The following CACNA1C variants were observed in gnomAD, a reference collection of about 807,000 sequenced individuals.
The protein encoded by CACNA1C is voltage-dependent L-type calcium channel subunit alpha-1C.
A neutral mutation model predicts 229.0 loss-of-function variants in CACNA1C; 30 were observed. The ratio of observed to expected loss-of-function variants is 0.13; its 90% CI spans 0.10 to 0.18. The LOEUF is 0.18. Ranked by LOEUF, CACNA1C falls within the 10% of genes least tolerant of loss-of-function variation. The probability of loss-of-function intolerance (pLI) is 1.00; values close to 1 mark genes in which losing one functional copy is unlikely to be tolerated. For synonymous variants in CACNA1C, 1,114 were observed against 1,132.5 expected, an observed-to-expected ratio of 0.98 and a Z score of 0.33; for missense variants, 1,658 against 2,845.0, an observed-to-expected ratio of 0.58 and a Z score of 9.49.
chr12:2,339,222 GCAATTGTAA>G, intron 3 of CACNA1C, among the ~76,000 whole-genome samples: 1 of 152,342 alleles, frequency 6.6e-6, no homozygotes, highest in Non-Finnish European at 1.5e-5. Context: ...AGTACTGTAA[GCAATTGTAA>G]TACAATGCTA....
At chr12:2,023,936 C>T (rs573953414) in intron 1 of CACNA1C, among the ~76,000 whole-genome samples, 24 of 152,134 alleles carry the variant, frequency 1.6e-4, no homozygotes, top group African/African-American at 2.4e-4. Context: ...AGCACTGCAC[C>T]GGGAGTCAGG....
chr12:2,387,349 G>A (rs923712837), intron 3 of CACNA1C, among the ~76,000 whole-genome samples: 1 of 152,106 alleles, frequency 6.6e-6, no homozygotes, highest in Non-Finnish European at 1.5e-5. Context: ...GTCAGGCGTG[G>A]TGGCAGGCGC....
At chr12:2,260,475 TAAAA>T (rs549203538) in intron 3 of CACNA1C, among the ~76,000 whole-genome samples, 2 of 100,990 alleles carry the variant, frequency 2.0e-5, no homozygotes, top group African/African-American at 3.6e-5. Context: ...CTGTCTCTAT[TAAAA>T]AAAAAAAAAA....
chr12:2,651,462 G>A lies in CACNA1C; in HGVS notation c.3946-178G>A. On this transcript the variant is annotated intron_variant, in intron 31 of 46. Coordinates refer to ENST00000399655, the MANE Select transcript of CACNA1C (RefSeq NM_000719.7). The surrounding 1 kb of genome is among the most constrained non-coding windows in gnomAD (Gnocchi z 5.4). The stretch of plus-strand genomic sequence containing the variant: ...TAGCTCTGCAGAGACCATGGGGCTG[G>A]GCTGTCCACTCATTAAAGTGGGCGG... 2.5e-6 allele frequency: 2 copies of A among 787,172 alleles called. No homozygotes were observed. The highest frequency in any genetic ancestry group is 1.6e-5 in the South Asian group (1 of 61,612). The allele number at this position is 787,172 out of a possible 1,614,324, so 48.8% of individuals were successfully genotyped here.
chr12:2,518,404 T>C lies in CACNA1C; in HGVS notation c.1390+5420T>C, dbSNP rs372376460. 1.8e-4 allele frequency among the ~76,000 whole-genome samples: 28 copies of C among 152,042 alleles called. 1 individual carries two copies. The highest frequency in any genetic ancestry group is 6.2e-4 in the South Asian group (3 of 4,808). ...CGGGTGGATCATGAGGTCAGGAGAT[T>C]GAGACCATCCTGGCTAACACAGTGA... On this transcript the variant is annotated intron_variant, in intron 9 of 46. Transcript: ENST00000399655.
intron 3 of CACNA1C, among the ~76,000 whole-genome samples, chr12:2,355,344 C>T (rs186086580): frequency 2.3e-3 from 350 of 151,602 alleles, no homozygotes; most frequent in Non-Finnish European, 3.9e-3. Context: ...GTGCCCATCC[C>T]CCATCCAGGA....
chr12:2,572,444 TTCTC>T, intron 13 of CACNA1C, among the ~76,000 whole-genome samples: 1 of 43,130 alleles, frequency 2.3e-5, no homozygotes. Context: ...TTCCTGCTCC[TTCTC>T]CTCTTCCTCC....
rs757869704 is a variant in CACNA1C at position 2,608,526 on chromosome 12, C to T, written c.3372C>T (p.Ser1124=). The change falls in exon 27 of 47, where the codon TCC becomes TCT. Residue 1124 remains serine (S), a synonymous_variant. Coordinates refer to ENST00000399655, the MANE Select transcript of CACNA1C (RefSeq NM_000719.7). This position sits in a 1 kb window ranked among gnomAD's most constrained non-coding sequence, Gnocchi z 4.2. ...FEGWPELLYR[S]IDSHTEDKGP... ...CCTCCTGCAGGCTGCTGTACCGCTC[C>T]ATCGACTCCCACACGGAAGACAAGG... 5 of 1,610,832 alleles carry T rather than the reference C, an allele frequency of 3.1e-6. No individual in the cohort carries two copies. The Admixed American group carries it at 5.0e-5, about 16-fold the overall frequency.
chr12:2,019,183 T>A (rs2045941489), intron 1 of CACNA1C, among the ~76,000 whole-genome samples: 2 of 152,090 alleles, frequency 1.3e-5, no homozygotes, highest in Non-Finnish European at 2.9e-5. Context: ...AATCTGGGGC[T>A]GGGTACAGTG....
intron 1 of CACNA1C, among the ~76,000 whole-genome samples, chr12:1,988,922 G>T (rs1355845598): frequency 6.6e-6 from 1 of 152,176 alleles, no homozygotes; most frequent in Non-Finnish European, 1.5e-5. Context: ...GACTTAGGAG[G>T]AGTTTTCTAA....
intron 1 of CACNA1C, among the ~76,000 whole-genome samples, chr12:1,998,204 C>A (rs560359561): frequency 1.3e-5 from 2 of 152,338 alleles, no homozygotes; most frequent in Admixed American, 6.5e-5. Flanking sequence ...TAAAACAAAT[C>A]ATCATTATCT....
At position 2,486,278 on chromosome 12, in the gene CACNA1C, G is replaced by A. The variant is rs553880579; in HGVS notation, c.916+16G>A. 3.9e-5 allele frequency: 63 copies of A among 1,608,742 alleles called. No individual in the cohort carries two copies. The highest frequency in any genetic ancestry group is 3.2e-4 in the South Asian group (29 of 90,340). On this transcript the variant is annotated intron_variant, in intron 6 of 46. Transcript: ENST00000399655. The surrounding 1 kb of genome is among the most constrained non-coding windows in gnomAD (Gnocchi z 4.9). The stretch of plus-strand genomic sequence containing the variant: ...GGCATAGCAGGTAAGAGGGGCAGGC[G>A]GCTGCGCTCCCAAGGCCCTGCCCTC...
chr12:2,168,281 G>A (rs2096328113), intron 3 of CACNA1C, among the ~76,000 whole-genome samples: 1 of 152,194 alleles, frequency 6.6e-6, no homozygotes, highest in Admixed American at 6.5e-5. Context: ...TATGAAGGAT[G>A]AATCAAAAGA....
In CACNA1C at chr12:2,602,015, G is replaced by C; in HGVS notation, c.2960+55G>C. 1 of 1,221,114 alleles carries C rather than the reference G, an allele frequency of 8.2e-7. No individual in the cohort carries two copies. The highest frequency in any genetic ancestry group is 1.2e-6 in the Non-Finnish European group (1 of 822,262). The allele number at this position is 1,221,114 out of a possible 1,614,324, so 75.6% of individuals were successfully genotyped here. On this transcript the variant is annotated intron_variant, in intron 22 of 46. Transcript: ENST00000399655. This position sits in a 1 kb window ranked among gnomAD's most constrained non-coding sequence, Gnocchi z 4.4. ...GCCATGCAGCTAGCAAGGGGTGCCAGAGAGGACAACCAGACCCTGGAGGGC... is the reference window on the plus strand; with the variant it reads ...GCCATGCAGCTAGCAAGGGGTGCCACAGAGGACAACCAGACCCTGGAGGGC...
intron 5 of CACNA1C, among the ~76,000 whole-genome samples, chr12:2,475,305 A>G (rs1309379494): frequency 6.6e-6 from 1 of 152,124 alleles, no homozygotes; most frequent in African/African-American, 2.4e-5. Flanking sequence ...TCTCAAAAAA[A>G]AAAAGAAAAG....
intron 6 of CACNA1C, among the ~76,000 whole-genome samples, chr12:2,491,428 GAGA>G (rs752757767): frequency 4.0e-5 from 6 of 151,818 alleles, no homozygotes; most frequent in African/African-American, 4.8e-5. Flanking sequence ...GAGAGGAGAG[GAGA>G]AGAAGGAGGA....
intron 34 of CACNA1C, among the ~76,000 whole-genome samples, chr12:2,657,967 T>C (rs2095506682): frequency 6.6e-6 from 1 of 151,868 alleles, no homozygotes; most frequent in African/African-American, 2.4e-5. Flanking sequence ...TGGAAATGTA[T>C]CAATTACATA....
intron 29 of CACNA1C, among the ~76,000 whole-genome samples, chr12:2,628,963 C>A (rs181679824): frequency 2.6e-5 from 4 of 152,230 alleles, no homozygotes; most frequent in Admixed American, 2.0e-4. Flanking sequence ...CCTGAGGAGG[C>A]CGGATAGAGT....
rs2096160589 is a variant in CACNA1C at position 2,666,976 on chromosome 12, A to T, written c.4623+194A>T. On this transcript the variant is annotated intron_variant, in intron 37 of 46. Transcript: ENST00000399655. This position sits in a 1 kb window ranked among gnomAD's most constrained non-coding sequence, Gnocchi z 5.3. ...TGAATGCCTCCTGTCCTACTGAGCC[A>T]GGGACCCAGTCCTGGATAAAGGACT... Among the ~76,000 whole-genome samples the T allele has an allele frequency of 6.6e-6, 1 of 152,196 alleles. No homozygotes were observed. Among genetic ancestry groups the T allele is most frequent in the Admixed American group, 6.5e-5 (1 of 15,276 alleles).
Sources: gnomAD v4.1 joint callset for allele counts (sites outside exome capture counted in the v4.1 genomes callset) on GRCh38, gnomAD v4.1.1 for gene constraint, Gnocchi (gnomAD v3.1) non-coding constraint, MANE v1.5 for transcripts, NCBI Gene and HGNC (gene_info 2026-07-23, HGNC 2026-07-21) for gene names.